The following SRBD1 variants were observed in gnomAD, a reference collection of about 807,000 sequenced individuals.
The protein encoded by SRBD1 is S1 RNA binding domain 1, also known as S1 RNA-binding domain-containing protein 1.
In SRBD1, 88 loss-of-function variants were observed where a neutral mutation model predicts 115.3. The ratio of observed to expected loss-of-function variants is 0.76; its 90% CI spans 0.64 to 0.91. The LOEUF is 0.91. Among genes scored for constraint, SRBD1 ranks in the 40% least tolerant of loss-of-function variants. SRBD1 has a pLI of 0.00. For missense variants in SRBD1, 1,385 were observed against 1,177.4 expected (o/e 1.18, Z -2.58); for synonymous variants, 509 against 407.7 (o/e 1.25, Z -2.99).
chr2:45,488,111 A>T, intron 15 of SRBD1, 129 bp downstream of exon 15: 1 of 720,150 alleles, frequency 1.4e-6, no homozygotes, highest in Non-Finnish European at 2.3e-6. Context: ...CTTTCTTTCT[A>T]ATATGCCAAT....
chr2:45,582,866 T>A (rs1673408222), intron 5 of SRBD1, among the ~76,000 whole-genome samples: 1 of 152,150 alleles, frequency 6.6e-6, no homozygotes, highest in Non-Finnish European at 1.5e-5. Context: ...CTGCTCAGGA[T>A]GGGCACACCT....
At chr2:45,473,407 A>G (rs1004526308) in intron 16 of SRBD1, among the ~76,000 whole-genome samples, 1 of 152,178 alleles carries the variant, frequency 6.6e-6, no homozygotes, top group African/African-American at 2.4e-5. Context: ...GCTCAACTAT[A>G]CATTTTACTG....
At chr2:45,517,573 C>G (rs111736928) in intron 14 of SRBD1, among the ~76,000 whole-genome samples, 1,759 of 152,272 alleles carry the variant, frequency 0.012, 41 homozygotes, top group African/African-American at 0.038. Context: ...TCCCGTTAAT[C>G]CTAAGTAAAA....
At chr2:45,392,811 G>A in intron 20 of SRBD1, 134 bp downstream of exon 20, 2 of 915,012 alleles carry the variant, frequency 2.2e-6, no homozygotes, top group East Asian at 5.2e-5. Context: ...AGATCACCAT[G>A]CTTTATTTTT....
chr2:45,472,323 A>G (rs1371592244), intron 16 of SRBD1, among the ~76,000 whole-genome samples: 1 of 152,214 alleles, frequency 6.6e-6, no homozygotes, highest in Non-Finnish European at 1.5e-5. Context: ...AGAAAGGACA[A>G]CGGAGAATGA....
chr2:45,566,208 G>C (rs957888242), intron 9 of SRBD1, among the ~76,000 whole-genome samples: 14 of 152,074 alleles, frequency 9.2e-5, no homozygotes, highest in African/African-American at 2.7e-4. Context: ...ATACTCCTAG[G>C]TATATATCCA....
At chr2:45,488,643 G>A (rs571355942) in intron 14 of SRBD1, among the ~76,000 whole-genome samples, 2 of 152,144 alleles carry the variant, frequency 1.3e-5, no homozygotes, top group African/African-American at 4.8e-5. Flanking sequence ...CTCCCATGAT[G>A]CCAACTTCAA....
At chr2:45,464,574 G>A (rs993608002) in intron 16 of SRBD1, among the ~76,000 whole-genome samples, 1 of 152,234 alleles carries the variant, frequency 6.6e-6, no homozygotes, top group Admixed American at 6.5e-5. Context: ...AGAAGGGAAA[G>A]AATGTGGCAT....
chr2:45,583,204 C>T (rs1446827135), intron 5 of SRBD1, among the ~76,000 whole-genome samples: 1 of 137,084 alleles, frequency 7.3e-6, no homozygotes, highest in Non-Finnish European at 1.5e-5. Flanking sequence ...ATTAAATCTA[C>T]TTGTAAATTA....
intron 10 of SRBD1, among the ~76,000 whole-genome samples, chr2:45,561,597 C>T (rs970506922): frequency 6.6e-6 from 1 of 152,174 alleles, no homozygotes; most frequent in Non-Finnish European, 1.5e-5. Flanking sequence ...ATTTACATCT[C>T]CTAGCTGCTA....
intron 15 of SRBD1, 59 bp from the exon 16 acceptor site, chr2:45,477,134 T>C (rs1389079274): frequency 2.9e-6 from 4 of 1,358,122 alleles, no homozygotes; most frequent in Non-Finnish European, 4.2e-6. Flanking sequence ...TACCTAATAA[T>C]TACTTACATT....
intron 3 of SRBD1, 97 bp downstream of exon 3, chr2:45,601,806 T>C (rs996291729): frequency 6.7e-7 from 1 of 1,486,040 alleles, no homozygotes; most frequent in Admixed American, 2.2e-5. Context: ...GCAGTTTTTG[T>C]CATTTACATG....
chr2:45,595,177 G>T (rs1333855135), intron 4 of SRBD1, among the ~76,000 whole-genome samples: 1 of 152,166 alleles, frequency 6.6e-6, no homozygotes, highest in Admixed American at 6.5e-5. Context: ...ACTAAATCAA[G>T]TGTTGACTAT....
intron 19 of SRBD1, among the ~76,000 whole-genome samples, chr2:45,403,633 CATT>C (rs1553381902): frequency 1.3e-5 from 2 of 151,984 alleles, no homozygotes; most frequent in Non-Finnish European, 2.9e-5. Flanking sequence ...TTTTCAGATG[CATT>C]ATTTATTTTG....
chr2:45,501,630 C>T lies in SRBD1; in HGVS notation c.1875-13299G>A, dbSNP rs1178149923. On this transcript the variant is annotated intron_variant, in intron 14 of 20. Coordinates refer to ENST00000263736, the MANE Select transcript of SRBD1 (RefSeq NM_018079.5). The stretch of plus-strand genomic sequence containing the variant: ...TCCAATGGTCTTAGCAAACGGCACA[C>T]CAGGAGATTATATCCCACGCCTGGC... Among the ~76,000 whole-genome samples the T allele has an allele frequency of 3.9e-5, 6 of 152,196 alleles. No individual in the cohort carries two copies. In the South Asian group the frequency reaches 6.2e-4, roughly 16 times the overall value.
chr2:45,594,881 T>C (rs1673845072), intron 4 of SRBD1, among the ~76,000 whole-genome samples: 1 of 152,210 alleles, frequency 6.6e-6, no homozygotes, highest in Non-Finnish European at 1.5e-5. Flanking sequence ...GGCATGATAA[T>C]AAAGTTCCCT....
chr2:45,541,787 C>T (rs1458546696), intron 14 of SRBD1, among the ~76,000 whole-genome samples: 1 of 152,250 alleles, frequency 6.6e-6, no homozygotes. Flanking sequence ...AAGTGGGTGG[C>T]TCCTTCCCAT....
intron 16 of SRBD1, among the ~76,000 whole-genome samples, chr2:45,436,319 A>G (rs1054223599): frequency 2.0e-5 from 3 of 152,234 alleles, no homozygotes; most frequent in Admixed American, 6.5e-5. Context: ...TAATGGTAAG[A>G]AACCAGAATA....
At chr2:45,431,852 C>T (rs1668347992) in intron 16 of SRBD1, among the ~76,000 whole-genome samples, 2 of 152,126 alleles carry the variant, frequency 1.3e-5, no homozygotes, top group Admixed American at 6.5e-5. Flanking sequence ...TCCAAGTTAA[C>T]TCACTGAATT....
Sources: gnomAD v4.1 joint callset for allele counts (sites outside exome capture counted in the v4.1 genomes callset) on GRCh38, gnomAD v4.1.1 for gene constraint, MANE v1.5 for transcripts, NCBI Gene and HGNC (gene_info 2026-07-23, HGNC 2026-07-21) for gene names.